PHAX: variants seen among roughly 807,000 people sequenced by gnomAD.
PHAX encodes the protein phosphorylated adapter RNA export protein.
Under a neutral mutation model 41.6 loss-of-function variants are expected in PHAX, and 31 were observed. That is an observed-to-expected ratio of 0.75 (90% CI 0.56 to 1.01). The LOEUF (loss-of-function observed/expected upper bound fraction) is 1.01, where lower values mean the gene tolerates loss of function less well. Ranked by LOEUF, PHAX falls within the 50% of genes least tolerant of loss-of-function variation. The pLI, the probability that PHAX is intolerant of heterozygous loss-of-function variation, is 0.00. For missense variants in PHAX, 453 were observed against 472.9 expected (o/e 0.96, Z 0.39); for synonymous variants, 175 against 164.9 (o/e 1.06, Z -0.47).
chr5:126,618,362 G>C (rs1348795661), intron 4 of PHAX, among the ~76,000 whole-genome samples: 2 of 151,554 alleles, frequency 1.3e-5, no homozygotes, highest in African/African-American at 2.4e-5. Context: ...TAACACTTCA[G>C]CTTGGTGCCA....
intron 1 of PHAX, 26 bp downstream of exon 1, chr5:126,601,084 T>C (rs1463722543): frequency 3.9e-6 from 6 of 1,554,908 alleles, no homozygotes; most frequent in South Asian, 1.1e-5. Context: ...GGGTGGGTGA[T>C]CGTGGCTGGG....
In PHAX at chr5:126,625,650, ATTTG is replaced by A. The variant is rs1325345286; in HGVS notation, c.*812_*815del. On this transcript the variant is annotated 3_prime_UTR_variant, in exon 5 of 5. Transcript: ENST00000297540. ...TGTATACTGATGATTCTTCCCACTC[ATTTG>A]TTTGTCCAGAAGTAAATAAATGTCG... 7 of 151,606 alleles carry A rather than the reference ATTTG, an allele frequency of 4.6e-5. No individual in the cohort carries two copies. In the South Asian group the frequency reaches 1.0e-3, roughly 23 times the overall value. 9.4% of individuals were successfully genotyped at this position (151,606 alleles called of 1,614,324 possible). A position where few individuals can be genotyped will look rare whatever the true frequency, so the allele number is the denominator to read the frequency against.
chr5:126,622,383 C>T (rs1435138771), intron 4 of PHAX, among the ~76,000 whole-genome samples: 4 of 151,484 alleles, frequency 2.6e-5, no homozygotes, highest in African/African-American at 7.3e-5. Context: ...CCGCCCGCCT[C>T]AGCCTCTCAA....
intron 4 of PHAX, among the ~76,000 whole-genome samples, chr5:126,620,566 T>C (rs979351062): frequency 6.6e-6 from 1 of 152,176 alleles, no homozygotes; most frequent in Non-Finnish European, 1.5e-5. Context: ...GTTGGAGTTA[T>C]TTTCACTGTA....
chr5:126,622,274 T>C (rs1309197431), intron 4 of PHAX, among the ~76,000 whole-genome samples: 2 of 152,002 alleles, frequency 1.3e-5, no homozygotes, highest in East Asian at 1.9e-4. Flanking sequence ...GCTTGGATTA[T>C]AGGCTCGCAC....
At chr5:126,602,022 G>A (rs1334611956) in intron 1 of PHAX, among the ~76,000 whole-genome samples, 4 of 152,236 alleles carry the variant, frequency 2.6e-5, no homozygotes, top group African/African-American at 4.8e-5. Flanking sequence ...TGTTGGTCAG[G>A]CTGGTCTCGA....
intron 3 of PHAX, among the ~76,000 whole-genome samples, chr5:126,608,711 C>T (rs886579833): frequency 2.0e-5 from 3 of 151,748 alleles, no homozygotes; most frequent in African/African-American, 7.3e-5. Flanking sequence ...CTGAGGCGGG[C>T]CGATCACCTG....
Position 126,604,101 on chromosome 5 carries a change from A to G in PHAX, c.628A>G (p.Arg210Gly). 1 of 1,610,214 alleles carries G rather than the reference A, an allele frequency of 6.2e-7. No individual in the cohort carries two copies. The highest frequency in any genetic ancestry group is 8.5e-7 in the Non-Finnish European group (1 of 1,178,976). ...ACCTGTCAAAGACAGGCTAGGGAAC[A>G]GACCAGAAATGAACTATAAAGGTCG... ...KRPVKDRLGN[R>G]PEMNYKGRYE... Residue 210 changes from arginine to glycine, a missense_variant, in exon 2 of 5, where the codon AGA (arginine) becomes GGA (glycine). Coordinates refer to ENST00000297540, the MANE Select transcript of PHAX (RefSeq NM_032177.4).
intron 2 of PHAX, among the ~76,000 whole-genome samples, chr5:126,605,845 A>G (rs1442357982): frequency 6.6e-6 from 1 of 152,208 alleles, no homozygotes; most frequent in African/African-American, 2.4e-5. Context: ...TAGTGTTTTC[A>G]AGAATTTGTG....
At chr5:126,618,440 A>T (rs1474543759) in intron 4 of PHAX, among the ~76,000 whole-genome samples, 1 of 152,096 alleles carries the variant, frequency 6.6e-6, no homozygotes, top group Non-Finnish European at 1.5e-5. Context: ...ACATAACCAC[A>T]AGACCCATTA....
chr5:126,603,620 T>C lies in PHAX; in HGVS notation c.147T>C (p.Thr49=). Residue 49 remains threonine, a synonymous_variant, in exon 2 of 5, where the codon ACT becomes ACC. Transcript: ENST00000297540. ...SAMRAFQNTA[T]ACAPVSHYRA... Reference sequence around the variant, plus strand: ...TGAGGGCCTTCCAGAACACGGCAACTGCATGTGCACCAGTATCACATTATC... The same window carrying C: ...TGAGGGCCTTCCAGAACACGGCAACCGCATGTGCACCAGTATCACATTATC... The C allele has an allele frequency of 6.2e-7, 1 of 1,614,052 alleles. No homozygotes were observed. The highest frequency in any genetic ancestry group is 8.5e-7 in the Non-Finnish European group (1 of 1,179,866).
intron 2 of PHAX, among the ~76,000 whole-genome samples, chr5:126,604,924 C>T (rs1679539573): frequency 6.6e-6 from 1 of 151,968 alleles, no homozygotes; most frequent in Admixed American, 6.6e-5. Context: ...ATCCCAGCTA[C>T]TCGGGAGGCT....
chr5:126,617,307 C>T lies in PHAX; in HGVS notation c.889C>T (p.Pro297Ser), dbSNP rs948896496. Residue 297 changes from proline to serine, a missense_variant, in exon 4 of 5, where the codon CCT (proline) becomes TCT (serine). Pro to Ser is a moderately conservative substitution (Grantham distance 74). Transcript: ENST00000297540. ...TTTTCTGAATCTCTTGAAAAACACT[C>T]CTAGTATCAGCGAGGAACAAATTAA... ...GVFLNLLKNT[P>S]SISEEQIKDI... is the part of the protein sequence containing the mutation. 2 of 1,608,738 alleles carry T rather than the reference C, an allele frequency of 1.2e-6. No individual in the cohort carries two copies. The highest frequency in any genetic ancestry group is 1.1e-5 in the South Asian group (1 of 90,758).
At chr5:126,601,994 T>A (rs62391554) in intron 1 of PHAX, among the ~76,000 whole-genome samples, 40,217 of 151,778 alleles carry the variant, frequency 0.26, 6,644 homozygotes, top group African/African-American at 0.45. Flanking sequence ...TATTTTTAGT[T>A]GAGACGAGAT....
intron 3 of PHAX, among the ~76,000 whole-genome samples, chr5:126,614,287 C>T (rs1182005348): frequency 6.6e-6 from 1 of 151,888 alleles, no homozygotes; most frequent in African/African-American, 2.4e-5. Flanking sequence ...TTATTAGAAA[C>T]AGGGTTTCAC....
chr5:126,622,196 C>T (rs139235071), intron 4 of PHAX, among the ~76,000 whole-genome samples: 397 of 152,072 alleles, frequency 2.6e-3, no homozygotes, highest in Admixed American at 4.9e-3. Flanking sequence ...TGCAGTGGCG[C>T]GCTCTCGGCT....
chr5:126,619,307 G>A (rs1447268468), intron 4 of PHAX, among the ~76,000 whole-genome samples: 1 of 152,052 alleles, frequency 6.6e-6, no homozygotes, highest in African/African-American at 2.4e-5. Flanking sequence ...GTCAGGCGTG[G>A]TGGCTCCTGT....
intron 3 of PHAX, among the ~76,000 whole-genome samples, chr5:126,609,780 C>A (rs1177239653): frequency 1.3e-5 from 2 of 151,964 alleles, no homozygotes; most frequent in East Asian, 1.9e-4. Flanking sequence ...CACTCTGTCG[C>A]CCAGGCTGGA....
chr5:126,621,069 C>G (rs1174573148), intron 4 of PHAX, among the ~76,000 whole-genome samples: 1 of 152,042 alleles, frequency 6.6e-6, no homozygotes, highest in African/African-American at 2.4e-5. Context: ...CGGTTTCACT[C>G]TGTCACCCAG....
Sources: allele counts gnomAD v4.1 joint callset (sites outside exome capture counted in the v4.1 genomes callset), GRCh38; gene constraint gnomAD v4.1.1; transcripts MANE v1.5; gene names NCBI Gene and HGNC (gene_info 2026-07-23, HGNC 2026-07-21).